The following PAPPA2 variants were observed in gnomAD, a reference collection of about 807,000 sequenced individuals.
PAPPA2 encodes pappalysin 2.
A neutral mutation model predicts 176.4 loss-of-function variants in PAPPA2; 86 were observed. That is an observed-to-expected ratio of 0.49 (90% CI 0.41 to 0.58). PAPPA2 has a LOEUF of 0.58. Ranked by LOEUF, PAPPA2 falls within the 20% of genes least tolerant of loss-of-function variation. The pLI is 0.00. For missense variants in PAPPA2, 2,073 were observed against 2,256.9 expected, an observed-to-expected ratio of 0.92 and a Z score of 1.65; for synonymous variants, 809 against 852.2, an observed-to-expected ratio of 0.95 and a Z score of 0.88.
chr1:176,638,939 CGTGTGTGTGT>C lies in PAPPA2; in HGVS notation c.1992-32008_1992-31999del, dbSNP rs34264749. 2.9e-4 allele frequency among the ~76,000 whole-genome samples: 42 copies of C among 143,124 alleles called. No homozygotes were observed. In the Middle Eastern group the frequency reaches 0.011, roughly 36 times the overall value. The allele number at this position is 143,124 out of a possible 152,430, so 93.9% of individuals were successfully genotyped here. ...GTGTGTGTGTGTGCATGTGCATGTG[CGTGTGTGTGT>C]GTGTGTGTGTGTGTGTGTGTGTATG... On this transcript the variant is annotated intron_variant, in intron 3 of 22. Transcript: ENST00000367662.
At chr1:176,565,551 C>A (rs575516274) in intron 2 of PAPPA2, among the ~76,000 whole-genome samples, 1 of 152,082 alleles carries the variant, frequency 6.6e-6, no homozygotes, top group Non-Finnish European at 1.5e-5. Flanking sequence ...AAAAATTAGC[C>A]GGGTGTAGTG....
chr1:176,785,542 A>G (rs1664897567), intron 17 of PAPPA2, among the ~76,000 whole-genome samples: 1 of 152,186 alleles, frequency 6.6e-6, no homozygotes, highest in Non-Finnish European at 1.5e-5. Context: ...GAAAGAAAAC[A>G]GAATTTCCTA....
intron 14 of PAPPA2, among the ~76,000 whole-genome samples, chr1:176,761,752 A>G (rs1663709274): frequency 6.6e-6 from 1 of 152,152 alleles, no homozygotes; most frequent in Admixed American, 6.5e-5. Flanking sequence ...TTTTCCTCTG[A>G]CTTGCTGTGT....
Position 176,556,915 on chromosome 1 carries a change from G to A in PAPPA2, c.593G>A (p.Arg198His), listed in dbSNP as rs576620013. The change falls in exon 2 of 23, where the codon CGT becomes CAT. Residue 198 changes from arginine (R) to histidine (H), a missense_variant. Physicochemically the swap from Arg to His is conservative, Grantham distance 29. This residue lies in a region of PAPPA2 where 1,196 missense variants were observed against 1,330.4 expected (regional missense o/e 0.90). Transcript: ENST00000367662. Reference sequence around the variant, plus strand: ...AGGGGCTGGGCCAAGTCCAGGCAGCGTCGCCAAGTGTGGAAGAGGCGGGCG... The same window carrying A: ...AGGGGCTGGGCCAAGTCCAGGCAGCATCGCCAAGTGTGGAAGAGGCGGGCG... ...QRRGWAKSRQ[R>H]RQVWKRRAED... 2.0e-5 allele frequency: 33 copies of A among 1,614,134 alleles called. No homozygotes were observed. Among genetic ancestry groups the A allele is most frequent in the African/African-American group, 1.5e-4 (11 of 75,040 alleles).
intron 4 of PAPPA2, among the ~76,000 whole-genome samples, chr1:176,689,546 A>G (rs1660004542): frequency 6.6e-6 from 1 of 152,204 alleles, no homozygotes; most frequent in Non-Finnish European, 1.5e-5. Context: ...TTAATGTGCC[A>G]AACACTGAAA....
chr1:176,519,897 A>G (rs1166629141), intron 1 of PAPPA2, among the ~76,000 whole-genome samples: 1 of 152,156 alleles, frequency 6.6e-6, no homozygotes, highest in Non-Finnish European at 1.5e-5. Flanking sequence ...GTTATCAAGT[A>G]CTCTTCTACT....
At chr1:176,765,547 G>A (rs1571294594) in intron 14 of PAPPA2, 119 bp from the exon 15 acceptor site, 2 of 953,120 alleles carry the variant, frequency 2.1e-6, no homozygotes, top group East Asian at 4.8e-5. Context: ...TTAAATATCA[G>A]TTTTGGAGAA....
chr1:176,598,846 A>G (rs1007942818), intron 3 of PAPPA2, among the ~76,000 whole-genome samples: 12 of 151,982 alleles, frequency 7.9e-5, no homozygotes, highest in African/African-American at 2.9e-4. Context: ...CTTCTCTTCA[A>G]TGCGTTTTTT....
At chr1:176,626,424 C>G (rs1454422583) in intron 3 of PAPPA2, among the ~76,000 whole-genome samples, 1 of 152,054 alleles carries the variant, frequency 6.6e-6, no homozygotes, top group Non-Finnish European at 1.5e-5. Context: ...TTTTAAACAT[C>G]TCTGTTGCTT....
intron 3 of PAPPA2, among the ~76,000 whole-genome samples, chr1:176,606,278 G>A (rs543984674): frequency 1.3e-5 from 2 of 152,202 alleles, no homozygotes; most frequent in Admixed American, 6.5e-5. Flanking sequence ...TTCCAACTGC[G>A]ATTCTATATT....
chr1:176,759,064 C>T (rs1161396399), intron 14 of PAPPA2, among the ~76,000 whole-genome samples: 1 of 152,336 alleles, frequency 6.6e-6, no homozygotes, highest in Admixed American at 6.5e-5. Context: ...TTCTTCATCA[C>T]ATTGTATTGT....
In PAPPA2 at chr1:176,570,870, C is replaced by T. The variant is rs535608274; in HGVS notation, c.919+13629C>T. On this transcript the variant is annotated intron_variant, in intron 2 of 22. Transcript: ENST00000367662. Reference sequence around the variant, plus strand: ...AGCACATTTGAGGAAGGCAGCTGTTCGTTTTGCCATTCCCCGCCCTTCTGT... The same window carrying T: ...AGCACATTTGAGGAAGGCAGCTGTTTGTTTTGCCATTCCCCGCCCTTCTGT... Among the ~76,000 whole-genome samples, 5 of 152,194 alleles carry T rather than the reference C, an allele frequency of 3.3e-5. No homozygotes were observed. The South Asian group carries it at 1.0e-3, about 32-fold the overall frequency.
intron 12 of PAPPA2, among the ~76,000 whole-genome samples, chr1:176,739,152 A>C (rs1255175667): frequency 6.6e-6 from 1 of 152,124 alleles, no homozygotes; most frequent in Non-Finnish European, 1.5e-5. Flanking sequence ...TTTTGGGGAG[A>C]GATAGGAAGA....
intron 1 of PAPPA2, among the ~76,000 whole-genome samples, chr1:176,496,841 AGT>A (rs753958694): frequency 6.6e-6 from 1 of 152,300 alleles, no homozygotes; most frequent in Non-Finnish European, 1.5e-5. Context: ...TTGTTTGGAG[AGT>A]GAGGCATGGG....
At chr1:176,739,448 G>A (rs186819910) in intron 12 of PAPPA2, among the ~76,000 whole-genome samples, 178 bp from the exon 13 acceptor site, 311 of 152,096 alleles carry the variant, frequency 2.0e-3, no homozygotes, top group African/African-American at 7.0e-3. Flanking sequence ...TGATCTTGTT[G>A]TTTGATACAA....
intron 3 of PAPPA2, among the ~76,000 whole-genome samples, chr1:176,645,376 A>G (rs1418134939): frequency 6.6e-6 from 1 of 151,804 alleles, no homozygotes; most frequent in Non-Finnish European, 1.5e-5. Context: ...TATTTCACTT[A>G]ACATAATGAC....
At chr1:176,496,428 A>C (rs1251677167) in intron 1 of PAPPA2, among the ~76,000 whole-genome samples, 1 of 152,110 alleles carries the variant, frequency 6.6e-6, no homozygotes, top group Non-Finnish European at 1.5e-5. Flanking sequence ...ATGGGAAGAG[A>C]ATGGTCCTGG....
chr1:176,609,086 A>AT (rs1654768997), intron 3 of PAPPA2, among the ~76,000 whole-genome samples: 1 of 152,200 alleles, frequency 6.6e-6, no homozygotes, highest in Middle Eastern at 3.2e-3. Context: ...GTAAGTTCCT[A>AT]TAGTAATCTA....
intron 12 of PAPPA2, among the ~76,000 whole-genome samples, chr1:176,732,860 C>T (rs1382034554): frequency 6.6e-6 from 1 of 152,124 alleles, no homozygotes; most frequent in Admixed American, 6.6e-5. Flanking sequence ...GATACCCAAC[C>T]CTCAGGCTAT....
Sources: gnomAD v4.1 joint callset for allele counts (sites outside exome capture counted in the v4.1 genomes callset) on GRCh38, gnomAD v4.1.1 for gene constraint, gnomAD v4.1.1 regional missense constraint, MANE v1.5 for transcripts, NCBI Gene and HGNC (gene_info 2026-07-23, HGNC 2026-07-21) for gene names.